The following CELF2 variants were observed in gnomAD, a reference collection of about 807,000 sequenced individuals.
The protein encoded by CELF2 is CUGBP Elav-like family member 2.
A neutral mutation model predicts 62.6 loss-of-function variants in CELF2; 8 were observed. The observed-to-expected ratio is 0.13, with a 90% CI of 0.07 to 0.23. The LOEUF is 0.23. CELF2 is among the 10% of genes least tolerant of loss of function. The pLI is 1.00. For synonymous variants in CELF2, 258 were observed against 250.0 expected (o/e 1.03, Z -0.30); for missense variants, 333 against 671.0 (o/e 0.50, Z 5.56).
intron 2 of CELF2, among the ~76,000 whole-genome samples, chr10:10,988,309 A>G (rs143854091): frequency 6.6e-6 from 1 of 151,914 alleles, no homozygotes; most frequent in African/African-American, 2.4e-5. Flanking sequence ...AGAGAGAGAG[A>G]GAGAGCATGG....
intron 1 of CELF2, among the ~76,000 whole-genome samples, chr10:10,850,950 C>T (rs921042402): frequency 3.3e-5 from 5 of 151,960 alleles, no homozygotes; most frequent in African/African-American, 4.8e-5. Flanking sequence ...GGATTATAGG[C>T]GCCCCCCACC....
At chr10:11,172,307 A>G (rs1596576544) in intron 2 of CELF2, among the ~76,000 whole-genome samples, 1 of 152,232 alleles carries the variant, frequency 6.6e-6, no homozygotes, top group East Asian at 1.9e-4. Flanking sequence ...CATAAAATGC[A>G]GTCAGAATTT....
In CELF2 at chr10:10,975,841, C is replaced by CTTT. The variant is rs1564295157; in HGVS notation, c.89+55843_89+55844insTTT. 9.2e-5 allele frequency among the ~76,000 whole-genome samples: 14 copies of CTTT among 152,320 alleles called. No homozygotes were observed. The South Asian group carries it at 2.9e-3, about 32-fold the overall frequency. On this transcript the variant is annotated intron_variant, in intron 2 of 13. Coordinates refer to the CELF2 transcript ENST00000636488. Reference sequence around the variant, plus strand: ...GAGAGCAATCTTTTGTTGAACAGTGCTGCTCCTTGCAGAGCACAGCTGACT... The same window carrying CTTT: ...GAGAGCAATCTTTTGTTGAACAGTGCTTTTGCTCCTTGCAGAGCACAGCTGACT...
rs1165047504 is a variant in CELF2, at chr10:11,296,682, C to G, written c.976+8130C>G. On this transcript the variant is annotated intron_variant, in intron 9 of 12. Transcript: ENST00000633077. This position sits in a 1 kb window ranked among gnomAD's most constrained non-coding sequence, Gnocchi z 5.0. ...TAGATGCATTGGCCACCTACAAACA[C>G]AAGCAAAATGTACCGACCTGTACAG... Among the ~76,000 whole-genome samples, 2 of 152,108 alleles carry G rather than the reference C, an allele frequency of 1.3e-5. No individual in the cohort carries two copies. Among genetic ancestry groups the G allele is most frequent in the Admixed American group, 6.5e-5 (1 of 15,274 alleles).
the CELF2 span, among the ~76,000 whole-genome samples, chr10:10,673,026 T>C: frequency 6.6e-6 from 1 of 152,142 alleles, no homozygotes; most frequent in Non-Finnish European, 1.5e-5. Flanking sequence ...TTAGATTTAT[T>C]CCTAAGCATT....
chr10:10,854,629 C>T (rs1324105629), intron 1 of CELF2, among the ~76,000 whole-genome samples: 3 of 151,986 alleles, frequency 2.0e-5, no homozygotes, highest in Non-Finnish European at 4.4e-5. Context: ...CCCCAAATCC[C>T]TCTCTCCCCA....
chr10:11,141,624 C>G (rs2061368011), intron 1 of CELF2, among the ~76,000 whole-genome samples: 4 of 152,218 alleles, frequency 2.6e-5, no homozygotes, highest in Non-Finnish European at 2.9e-5. Flanking sequence ...ACAAAAGCAA[C>G]AGTCCTCAGT....
At chr10:10,771,106 CA>C in the CELF2 span, among the ~76,000 whole-genome samples, 2 of 152,160 alleles carry the variant, frequency 1.3e-5, no homozygotes, top group East Asian at 3.9e-4. Context: ...TTGATGTTAG[CA>C]ATTACTGCTT....
chr10:11,192,077 T>C (rs1039149095), intron 2 of CELF2, among the ~76,000 whole-genome samples: 3 of 152,110 alleles, frequency 2.0e-5, no homozygotes, highest in African/African-American at 7.2e-5. Flanking sequence ...ACTCATCAGG[T>C]TTAAGGAGCC....
At chr10:10,743,663 G>A in the CELF2 span, among the ~76,000 whole-genome samples, 1 of 152,104 alleles carries the variant, frequency 6.6e-6, no homozygotes, top group Admixed American at 6.5e-5. Flanking sequence ...TTTTGTTTTT[G>A]TTGTTTATTT....
At chr10:10,515,404 G>A in the CELF2 span, among the ~76,000 whole-genome samples, 1 of 152,156 alleles carries the variant, frequency 6.6e-6, no homozygotes, top group Non-Finnish European at 1.5e-5. Flanking sequence ...ATTCATTGGA[G>A]CTGAAATCTC....
the CELF2 span, among the ~76,000 whole-genome samples, chr10:10,595,663 A>G: frequency 6.6e-6 from 1 of 152,194 alleles, no homozygotes; most frequent in South Asian, 2.1e-4. Context: ...CCCTAGAAAT[A>G]CCTGCATAAA....
chr10:10,677,186 A>C, the CELF2 span, among the ~76,000 whole-genome samples: 2 of 152,214 alleles, frequency 1.3e-5, no homozygotes, highest in African/African-American at 4.8e-5. Context: ...TTAATAAAAT[A>C]CTTTGGAGGT....
chr10:10,624,949 G>A, the CELF2 span, among the ~76,000 whole-genome samples: 2 of 152,334 alleles, frequency 1.3e-5, no homozygotes, highest in African/African-American at 2.4e-5. Context: ...GATGTCACAC[G>A]AAGCTGCGCG....
intron 1 of CELF2, among the ~76,000 whole-genome samples, chr10:11,160,283 A>T (rs1393148277): frequency 6.6e-6 from 1 of 152,202 alleles, no homozygotes; most frequent in African/African-American, 2.4e-5. Flanking sequence ...CAGATCCTAG[A>T]GTTAAGTGGT....
chr10:11,316,533 A>C lies in CELF2; in HGVS notation c.1096+2275A>C, dbSNP rs1402294037. 6.6e-6 allele frequency among the ~76,000 whole-genome samples: 1 copy of C among 152,212 alleles called. No individual in the cohort carries two copies. Among genetic ancestry groups the C allele is most frequent in the Admixed American group, 6.5e-5 (1 of 15,284 alleles). On this transcript the variant is annotated intron_variant, in intron 10 of 12. Transcript: ENST00000633077. This position sits in a 1 kb window ranked among gnomAD's most constrained non-coding sequence, Gnocchi z 4.4. ...CTACCAGTTCCACTGGATAATTCCT[A>C]AAGAAATTCGTCAAGCAGTGGTTAC...
intron 1 of CELF2, among the ~76,000 whole-genome samples, chr10:11,057,980 T>C (rs891097059): frequency 6.6e-6 from 1 of 151,680 alleles, no homozygotes; most frequent in Non-Finnish European, 1.5e-5. Flanking sequence ...TTTTTTAGTC[T>C]AGCTTTTAGA....
chr10:10,758,765 A>G, the CELF2 span, among the ~76,000 whole-genome samples: 1 of 152,272 alleles, frequency 6.6e-6, no homozygotes, highest in Non-Finnish European at 1.5e-5. Context: ...TAATTGACAG[A>G]TTTGAGTGCA....
chr10:11,133,388 A>G (rs879646367), intron 1 of CELF2, among the ~76,000 whole-genome samples: 16 of 152,214 alleles, frequency 1.1e-4, no homozygotes, highest in Non-Finnish European at 2.2e-4. Flanking sequence ...TTTTTGATCC[A>G]AAAGCATATG....
Sources: allele counts gnomAD v4.1 joint callset (sites outside exome capture counted in the v4.1 genomes callset), GRCh38; gene constraint gnomAD v4.1.1; non-coding constraint Gnocchi (gnomAD v3.1); transcripts MANE v1.5; gene names NCBI Gene and HGNC (gene_info 2026-07-23, HGNC 2026-07-21).